The following HCRTR1 variants were observed in gnomAD, a reference collection of about 807,000 sequenced individuals.
The protein encoded by HCRTR1 is orexin/Hypocretin receptor type 1.
A neutral mutation model predicts 40.6 loss-of-function variants in HCRTR1; 28 were observed. The observed-to-expected ratio is 0.69, with a 90% CI of 0.51 to 0.95. HCRTR1 has a LOEUF of 0.95. HCRTR1 is among the 40% of genes least tolerant of loss of function. The pLI, the probability that HCRTR1 is intolerant of heterozygous loss-of-function variation, is 0.00. For missense variants in HCRTR1, 482 were observed against 564.7 expected, an observed-to-expected ratio of 0.85 and a Z score of 1.48; for synonymous variants, 209 against 230.0, an observed-to-expected ratio of 0.91 and a Z score of 0.83.
At position 31,626,622 on chromosome 1, in the gene HCRTR1, T is replaced by G. The variant is rs1042836132; in HGVS notation, c.1088-168T>G. Among the ~76,000 whole-genome samples, 1 of 152,122 alleles carries G rather than the reference T, an allele frequency of 6.6e-6. No individual in the cohort carries two copies. The highest frequency in any genetic ancestry group is 1.5e-5 in the Non-Finnish European group (1 of 68,032). On this transcript the variant is annotated intron_variant, in intron 8 of 8. Transcript: ENST00000403528. The surrounding 1 kb of genome is among the most constrained non-coding windows in gnomAD (Gnocchi z 4.6). The stretch of plus-strand genomic sequence containing the variant: ...CTCCAGGGCTTCTGTCCTCTCTCTC[T>G]GGCGGTGCCGAGGTTGCCTCAGGGC...
At chr1:31,634,153 G>A (rs1640193979), downstream of HCRTR1, among the ~76,000 whole-genome samples, 1 of 152,148 alleles carries the variant, frequency 6.6e-6, no homozygotes, top group South Asian at 2.1e-4. Flanking sequence ...CCTGACTTAG[G>A]GATTAGTCTG....
Position 31,627,430 on chromosome 1 carries a change from A to G in HCRTR1, c.*450A>G. On this transcript the variant is annotated 3_prime_UTR_variant, in exon 9 of 9. Coordinates refer to ENST00000403528, the MANE Select transcript of HCRTR1 (RefSeq NM_001525.3). ...GGCCAGCTGTTCTGATGCCTGTGTG[A>G]ACTAATCTGGGCCCAGCCTTTCTCC... 8.9e-7 allele frequency: 1 copy of G among 1,124,232 alleles called. No individual in the cohort carries two copies. Among genetic ancestry groups the G allele is most frequent in the Non-Finnish European group, 1.2e-6 (1 of 836,808 alleles). The allele number at this position is 1,124,232 out of a possible 1,614,324, so 69.6% of individuals were successfully genotyped here.
At chr1:31,624,345 G>A (rs1639927396) in intron 7 of HCRTR1, among the ~76,000 whole-genome samples, 1 of 149,836 alleles carries the variant, frequency 6.7e-6, no homozygotes, top group Non-Finnish European at 1.5e-5. Flanking sequence ...TGTAGTTCTA[G>A]CTACACAGAC....
chr1:31,630,490 G>A (rs1640063999), downstream of HCRTR1: 14 of 1,005,066 alleles, frequency 1.4e-5, no homozygotes, highest in South Asian at 2.2e-4. Flanking sequence ...GAACAGTGTT[G>A]CATCAAGCAA....
At chr1:31,634,203 C>T (rs1211544042), downstream of HCRTR1, among the ~76,000 whole-genome samples, 1 of 152,162 alleles carries the variant, frequency 6.6e-6, no homozygotes, top group Non-Finnish European at 1.5e-5. Context: ...AGCCATCTTC[C>T]TAAAACATCG....
downstream of HCRTR1, chr1:31,633,406 G>T: frequency 7.4e-7 from 1 of 1,349,260 alleles, no homozygotes; most frequent in Non-Finnish European, 1.0e-6. Context: ...TACACACGAA[G>T]CTTCACAAAT....
At chr1:31,624,891 C>T in intron 7 of HCRTR1, 106 bp from the exon 8 acceptor site, 1 of 1,225,336 alleles carries the variant, frequency 8.2e-7, no homozygotes, top group Non-Finnish European at 1.1e-6. Flanking sequence ...CAGAAGTGGG[C>T]AGTAGGAACT....
At chr1:31,619,478 A>G (rs2148608084) in intron 3 of HCRTR1, 54 bp from the exon 4 acceptor site, 3 of 1,612,980 alleles carry the variant, frequency 1.9e-6, no homozygotes, top group Middle Eastern at 1.7e-4. Flanking sequence ...CTGATTAGGC[A>G]GAACTAGGAT....
In HCRTR1 at chr1:31,626,017, C is replaced by A. The variant is rs1433767198; in HGVS notation, c.1088-773C>A. On this transcript the variant is annotated intron_variant, in intron 8 of 8. Transcript: ENST00000403528. The surrounding 1 kb of genome is among the most constrained non-coding windows in gnomAD (Gnocchi z 4.6). ...GTGTGGGGAGGGGAGGGCAGACAGA[C>A]TTACTGACACATATGCCTTTGTTTG... Among the ~76,000 whole-genome samples, 2 of 152,160 alleles carry A rather than the reference C, an allele frequency of 1.3e-5. No individual in the cohort carries two copies. The highest frequency in any genetic ancestry group is 4.8e-5 in the African/African-American group (2 of 41,428).
At chr1:31,630,233 G>C, downstream of HCRTR1, 1 of 269,754 alleles carries the variant, frequency 3.7e-6, no homozygotes, top group Non-Finnish European at 7.3e-6. Context: ...CCTGGTGAGG[G>C]AACACAGGTA....
chr1:31,630,620 A>G (rs1640068655), downstream of HCRTR1: 1 of 1,612,314 alleles, frequency 6.2e-7, no homozygotes, highest in African/African-American at 1.3e-5. Context: ...GGGTCATAGC[A>G]TCCGAGAAGC....
At chr1:31,624,952 A>G in intron 7 of HCRTR1, 45 bp from the exon 8 acceptor site, 3 of 1,545,286 alleles carry the variant, frequency 1.9e-6, no homozygotes, top group African/African-American at 1.4e-5. Flanking sequence ...CAGTACATGC[A>G]TACGCAGCTA....
chr1:31,623,682 C>A lies in HCRTR1; in HGVS notation c.898C>A (p.Leu300Met), dbSNP rs1345639549. Residue 300 changes from leucine to methionine, a missense_variant, in exon 7 of 9, where the codon CTG (leucine) becomes ATG (methionine). Leu to Met is a conservative substitution (Grantham distance 15, BLOSUM62 2). Transcript: ENST00000403528. ...MRARRKTAKM[L>M]MVVLLVFALC... is the part of the protein sequence containing the mutation. ...TGCACGGAGGAAGACAGCCAAGATG[C>A]TGATGGTGGTGCTGCTGGTCTTCGC... is the stretch of plus-strand genomic sequence containing the variant. The A allele has an allele frequency of 6.2e-7, 1 of 1,614,188 alleles. No homozygotes were observed.
chr1:31,623,764 T>C lies in HCRTR1; in HGVS notation c.965+15T>C. Reference sequence around the variant, plus strand: ...GTCCTTAAGAGGTGAGAGCACGGGGTATGGTTGGGGTGGGGAGAAGTTTGA... The same window carrying C: ...GTCCTTAAGAGGTGAGAGCACGGGGCATGGTTGGGGTGGGGAGAAGTTTGA... On this transcript the variant is annotated intron_variant, in intron 7 of 8. Coordinates refer to ENST00000403528, the MANE Select transcript of HCRTR1 (RefSeq NM_001525.3). 1 of 1,600,716 alleles carries C rather than the reference T, an allele frequency of 6.2e-7. No individual in the cohort carries two copies.
chr1:31,628,117 G>C (rs1303963821), downstream of HCRTR1, among the ~76,000 whole-genome samples: 1 of 152,216 alleles, frequency 6.6e-6, no homozygotes, highest in African/African-American at 2.4e-5. Flanking sequence ...TCTGCTGAGA[G>C]GAACAGGGAC....
intron 6 of HCRTR1, 36 bp from the exon 7 acceptor site, chr1:31,623,486 TG>T (rs1557578572): frequency 1.9e-6 from 3 of 1,576,264 alleles, no homozygotes; most frequent in East Asian, 2.3e-5. Flanking sequence ...CCCAAGGTGC[TG>T]TACCCACCAC....
downstream of HCRTR1, among the ~76,000 whole-genome samples, chr1:31,633,636 G>A (rs1166451383): frequency 3.9e-5 from 6 of 152,190 alleles, no homozygotes; most frequent in South Asian, 8.3e-4. Context: ...GGTAAACTGC[G>A]AGATGGGGGA....
At chr1:31,632,074 G>GTCCCAACTGTCCC (rs1209516182), downstream of HCRTR1, among the ~76,000 whole-genome samples, 1 of 152,224 alleles carries the variant, frequency 6.6e-6, no homozygotes, top group East Asian at 1.9e-4. Flanking sequence ...AGTTGGGAAA[G>GTCCCAACTGTCCC]AAACTGTCCA....
downstream of HCRTR1, among the ~76,000 whole-genome samples, chr1:31,628,152 T>C (rs992163952): frequency 9.8e-5 from 15 of 152,348 alleles, no homozygotes; most frequent in East Asian, 2.5e-3. Context: ...AGCTCTGCTA[T>C]GCATACCACC....
Sources: allele counts gnomAD v4.1 joint callset (sites outside exome capture counted in the v4.1 genomes callset), GRCh38; gene constraint gnomAD v4.1.1; non-coding constraint Gnocchi (gnomAD v3.1); transcripts MANE v1.5; gene names NCBI Gene and HGNC (gene_info 2026-07-23, HGNC 2026-07-21).